PCDHA8: variants seen among roughly 807,000 people sequenced by gnomAD.
PCDHA8 encodes protocadherin alpha-8.
Under a neutral mutation model 61.8 loss-of-function variants are expected in PCDHA8, and 53 were observed. That is an observed-to-expected ratio of 0.86 (90% CI 0.69 to 1.08). The LOEUF is 1.08. PCDHA8 is among the 50% of genes least tolerant of loss of function. The pLI is 0.00. For synonymous variants in PCDHA8, 618 were observed against 556.6 expected (o/e 1.11, Z -1.55); for missense variants, 1,293 against 1,245.0 (o/e 1.04, Z -0.58).
At position 140,842,169 on chromosome 5, in the gene PCDHA8, G is replaced by A. The variant is rs2150330880; in HGVS notation, c.848G>A (p.Ser283Asn). 3 of 1,613,820 alleles carry A rather than the reference G, an allele frequency of 1.9e-6. No homozygotes were observed. The highest frequency in any genetic ancestry group is 1.1e-5 in the South Asian group (1 of 91,052). Residue 283 changes from serine to asparagine, a missense_variant, in exon 1 of 4, where the codon AGC becomes AAC. Ser to Asn is a conservative substitution (Grantham distance 46). Transcript: ENST00000531613. ...ANGAISYSFN[S>N]LVETMVIDHF... ...GGGGCAATTTCATATTCTTTTAATA[G>A]CCTTGTTGAAACTATGGTTATTGAC...
At chr5:140,959,203 G>A (rs1554223942) in intron 1 of PCDHA8, among the ~76,000 whole-genome samples, 1 of 152,128 alleles carries the variant, frequency 6.6e-6, no homozygotes. Context: ...ATGGTGAAAT[G>A]CTGTCCTTAC....
At chr5:140,918,940 A>C (rs541337613) in intron 1 of PCDHA8, among the ~76,000 whole-genome samples, 51 of 152,328 alleles carry the variant, frequency 3.3e-4, no homozygotes, top group African/African-American at 1.2e-3. Flanking sequence ...TTTTGTTATA[A>C]TATCCTGAAC....
intron 1 of PCDHA8, among the ~76,000 whole-genome samples, chr5:140,976,481 G>A (rs549195125): frequency 6.6e-6 from 1 of 152,160 alleles, no homozygotes; most frequent in South Asian, 2.1e-4. Flanking sequence ...AATCCGGGAG[G>A]CAGAGGTTGC....
intron 3 of PCDHA8, among the ~76,000 whole-genome samples, chr5:141,000,018 A>G (rs2097889437): frequency 6.6e-6 from 1 of 152,038 alleles, no homozygotes; most frequent in East Asian, 1.9e-4. Flanking sequence ...CCCCATTGCT[A>G]AGCCTGACAT....
At chr5:140,871,275 A>C in intron 1 of PCDHA8, 3 of 1,613,900 alleles carry the variant, frequency 1.9e-6, no homozygotes, top group Non-Finnish European at 2.5e-6. Flanking sequence ...GGTGGTCGGC[A>C]ACGCCCACTG....
intron 1 of PCDHA8, among the ~76,000 whole-genome samples, chr5:140,950,508 C>T (rs1442075303): frequency 6.6e-6 from 1 of 152,016 alleles, no homozygotes; most frequent in African/African-American, 2.4e-5. Context: ...TCATTATTCC[C>T]TGTGTGCGAT....
intron 1 of PCDHA8, chr5:140,858,475 GAAT>G (rs2045440906): frequency 2.0e-6 from 3 of 1,517,006 alleles, no homozygotes; most frequent in East Asian, 4.9e-5. Context: ...TGTGCTTTAT[GAAT>G]AATATTTTCT....
chr5:140,876,463 G>T, intron 1 of PCDHA8: 2 of 1,614,014 alleles, frequency 1.2e-6, no homozygotes, highest in Non-Finnish European at 1.7e-6. Flanking sequence ...TCCTTCCATG[G>T]CAGGTCACAG....
rs2150422105 is a variant in PCDHA8 at position 140,848,832 on chromosome 5, C to G, written c.2394+5117C>G. On this transcript the variant is annotated intron_variant, in intron 1 of 3. Transcript: ENST00000531613. ...CCACCTGGAGGTGATCGTAGACAGG[C>G]CGCTGCAGGTTTTCCATGTGGACGT... is the stretch of plus-strand genomic sequence containing the variant. 3.8e-6 allele frequency: 6 copies of G among 1,590,118 alleles called. 1 individual carries two copies. Among genetic ancestry groups the G allele is most frequent in the Non-Finnish European group, 5.2e-6 (6 of 1,161,950 alleles).
chr5:140,966,850 CCTGCTGCTGTTG>C (rs1409933796), intron 1 of PCDHA8: 1 of 1,572,784 alleles, frequency 6.4e-7, no homozygotes, highest in Non-Finnish European at 8.6e-7. Context: ...TACTGCCTCT[CCTGCTGCTGTTG>C]CTGCTGCTGC....
intron 1 of PCDHA8, chr5:140,877,431 C>A: frequency 1.2e-6 from 2 of 1,613,836 alleles, no homozygotes; most frequent in Non-Finnish European, 1.7e-6. Flanking sequence ...TGGTGAAGGA[C>A]CACGGTGAGC....
At chr5:140,848,219 T>A in intron 1 of PCDHA8, 1 of 368,880 alleles carries the variant, frequency 2.7e-6, no homozygotes, top group Non-Finnish European at 4.9e-6. Flanking sequence ...TAAGAAAAAA[T>A]TAAGAAAATG....
At chr5:140,877,041 A>C (rs782570873) in intron 1 of PCDHA8, 1 of 1,612,586 alleles carries the variant, frequency 6.2e-7, no homozygotes, top group Non-Finnish European at 8.5e-7. Context: ...TGCAGCCGCT[A>C]GACCACGAGG....
chr5:140,857,745 C>G, intron 1 of PCDHA8: 1 of 1,597,310 alleles, frequency 6.3e-7, no homozygotes, highest in Non-Finnish European at 8.6e-7. Context: ...GCGCTGCTGG[C>G]GTCTCCCGCT....
intron 1 of PCDHA8, chr5:140,926,803 C>T (rs2083562434): frequency 6.9e-7 from 1 of 1,454,300 alleles, no homozygotes; most frequent in Non-Finnish European, 9.0e-7. Flanking sequence ...GTGCTCTTCC[C>T]CGCGGCTCGT....
chr5:140,848,447 C>G, intron 1 of PCDHA8: 1 of 1,507,352 alleles, frequency 6.6e-7, no homozygotes, highest in East Asian at 2.3e-5. Flanking sequence ...ATGATTTCTT[C>G]TAATTTGGAG....
At chr5:140,923,373 T>A (rs1354356076) in intron 1 of PCDHA8, among the ~76,000 whole-genome samples, 4 of 152,048 alleles carry the variant, frequency 2.6e-5, no homozygotes, top group South Asian at 2.1e-4. Flanking sequence ...AAAATATTTT[T>A]AAAAATTAGT....
intron 1 of PCDHA8, among the ~76,000 whole-genome samples, chr5:140,892,806 A>G (rs1262963314): frequency 2.6e-5 from 4 of 152,228 alleles, no homozygotes; most frequent in African/African-American, 7.2e-5. Flanking sequence ...ATAGTTAACC[A>G]TATTTATCCT....
intron 1 of PCDHA8, chr5:140,928,983 G>T: frequency 6.2e-7 from 1 of 1,613,838 alleles, no homozygotes; most frequent in Non-Finnish European, 8.5e-7. Flanking sequence ...TATTTCTGGG[G>T]TGCTTACTTT....
Sources: gnomAD v4.1 joint callset for allele counts (sites outside exome capture counted in the v4.1 genomes callset) on GRCh38, gnomAD v4.1.1 for gene constraint, MANE v1.5 for transcripts, NCBI Gene and HGNC (gene_info 2026-07-23, HGNC 2026-07-21) for gene names.